STXBP3: variants seen among roughly 807,000 people sequenced by gnomAD.
The protein encoded by STXBP3 is syntaxin-binding protein 3.
A neutral mutation model predicts 85.7 loss-of-function variants in STXBP3; 41 were observed. The observed-to-expected ratio is 0.48, with a 90% CI of 0.37 to 0.62. STXBP3 has a LOEUF of 0.62. Ranked by LOEUF, STXBP3 falls within the 20% of genes least tolerant of loss-of-function variation. The pLI is 0.00. For synonymous variants in STXBP3, 229 were observed against 231.7 expected (o/e 0.99, Z 0.10); for missense variants, 563 against 703.1 (o/e 0.80, Z 2.25).
chr1:108,788,956 C>T (rs778944861), intron 11 of STXBP3, among the ~76,000 whole-genome samples: 4 of 151,904 alleles, frequency 2.6e-5, no homozygotes, highest in Middle Eastern at 3.2e-3. Context: ...CCCAGCTACT[C>T]GGGAAGCTGA....
At chr1:108,765,808 A>C (rs999768338) in intron 6 of STXBP3, among the ~76,000 whole-genome samples, 8 of 150,154 alleles carry the variant, frequency 5.3e-5, no homozygotes, top group African/African-American at 2.0e-4. Context: ...TGACCTCCCA[A>C]AGTGCTGGGA....
chr1:108,761,128 A>G (rs946704881), intron 6 of STXBP3, among the ~76,000 whole-genome samples: 1 of 152,136 alleles, frequency 6.6e-6, no homozygotes, highest in African/African-American at 2.4e-5. Flanking sequence ...CTGGTCTCGA[A>G]CTGCTGACCT....
At chr1:108,764,277 AT>A (rs551282943) in intron 6 of STXBP3, among the ~76,000 whole-genome samples, 6 of 151,836 alleles carry the variant, frequency 4.0e-5, no homozygotes, top group African/African-American at 1.5e-4. Flanking sequence ...GAGATACCAC[AT>A]TTTTTTTAAT....
chr1:108,754,092 G>C (rs1661968258), intron 3 of STXBP3, among the ~76,000 whole-genome samples: 1 of 144,236 alleles, frequency 6.9e-6, no homozygotes, highest in Non-Finnish European at 1.5e-5. Context: ...GAGTGCAGTA[G>C]TGCGATTTTG....
At chr1:108,757,408 A>T (rs979294682) in intron 4 of STXBP3, among the ~76,000 whole-genome samples, 4 of 152,018 alleles carry the variant, frequency 2.6e-5, no homozygotes, top group East Asian at 3.8e-4. Flanking sequence ...AGACATTTTT[A>T]AAAAAACAAA....
At position 108,804,045 on chromosome 1, in the gene STXBP3, T is replaced by C. The variant is rs571747736; in HGVS notation, c.1536-3356T>C. On this transcript the variant is annotated intron_variant, in intron 17 of 18. Coordinates refer to ENST00000370008, the MANE Select transcript of STXBP3 (RefSeq NM_007269.4). ...GTATATTCTCTGTGCTATGTGTATC[T>C]GAGGATTTATTTTTATTTCTTTCTT... Among the ~76,000 whole-genome samples the C allele has an allele frequency of 3.9e-5, 6 of 152,356 alleles. No homozygotes were observed. In the East Asian group the frequency reaches 1.2e-3, roughly 29 times the overall value.
chr1:108,775,920 A>AAC (rs59575550), intron 7 of STXBP3, among the ~76,000 whole-genome samples: 2,315 of 150,048 alleles, frequency 0.015, 20 homozygotes, highest in African/African-American at 0.028. Flanking sequence ...ATAAATCTCA[A>AAC]ACACACACAC....
chr1:108,750,266 C>T (rs993627051), intron 1 of STXBP3, among the ~76,000 whole-genome samples: 1 of 152,076 alleles, frequency 6.6e-6, no homozygotes, highest in African/African-American at 2.4e-5. Context: ...GGAAAAGCAG[C>T]ATAATATTTC....
chr1:108,746,895 C>T (rs1298411377), intron 1 of STXBP3, 109 bp downstream of exon 1: 19 of 1,139,780 alleles, frequency 1.7e-5, no homozygotes, highest in Non-Finnish European at 2.3e-5. Flanking sequence ...GCCGCGAGCA[C>T]TTGTTGCTTT....
In STXBP3 at chr1:108,771,488, C is replaced by A. The variant is rs1279071930; in HGVS notation, c.439-1177C>A. On this transcript the variant is annotated intron_variant, in intron 6 of 18. Transcript: ENST00000370008. ...ATATATGATATATATCTATATATAT[C>A]ATATATAAATATATATGATATATAA... 4.2e-3 allele frequency among the ~76,000 whole-genome samples: 63 copies of A among 14,838 alleles called. 3 individuals carry two copies. The highest frequency in any genetic ancestry group is 9.4e-3 in the African/African-American group (27 of 2,880). The allele number at this position is 14,838 out of a possible 152,430, so 9.7% of individuals were successfully genotyped here.
At chr1:108,755,181 C>T (rs1661991748) in intron 3 of STXBP3, among the ~76,000 whole-genome samples, 1 of 152,098 alleles carries the variant, frequency 6.6e-6, no homozygotes, top group Non-Finnish European at 1.5e-5. Context: ...TACAATGACT[C>T]ATGCCTGTAA....
intron 6 of STXBP3, among the ~76,000 whole-genome samples, chr1:108,770,041 G>A (rs1033337073): frequency 6.6e-6 from 1 of 152,146 alleles, no homozygotes; most frequent in Non-Finnish European, 1.5e-5. Context: ...TGTAATCCCA[G>A]GACTTTAGGA....
At chr1:108,793,157 A>ATTTTTTTTTCTTTTTTTTTT (rs751400870) in intron 11 of STXBP3, among the ~76,000 whole-genome samples, 3 of 67,510 alleles carry the variant, frequency 4.4e-5, no homozygotes, top group African/African-American at 6.0e-5. Context: ...TCTTATCTCC[A>ATTTTTTTTTCTTTTTTTTTT]TTTTTTTTTT....
chr1:108,771,137 A>G (rs929637340), intron 6 of STXBP3, among the ~76,000 whole-genome samples: 1 of 151,652 alleles, frequency 6.6e-6, no homozygotes, highest in Non-Finnish European at 1.5e-5. Context: ...CATCTGTTGC[A>G]CTGGTAGTAA....
In STXBP3 at chr1:108,807,829, G is replaced by A. The variant is rs904842212; in HGVS notation, c.1684+280G>A. The stretch of plus-strand genomic sequence containing the variant: ...TGACCTTAGGTGATCCGCCCGCCTC[G>A]GCCTCCCAAAGTGCTGGGATTACAG... On this transcript the variant is annotated intron_variant, in intron 18 of 18. Transcript: ENST00000370008. Among the ~76,000 whole-genome samples, 10 of 151,972 alleles carry A rather than the reference G, an allele frequency of 6.6e-5. No homozygotes were observed. In the East Asian group the frequency reaches 1.4e-3, roughly 21 times the overall value.
intron 6 of STXBP3, among the ~76,000 whole-genome samples, chr1:108,765,337 G>A (rs1324516601): frequency 6.6e-6 from 1 of 152,222 alleles, no homozygotes; most frequent in African/African-American, 2.4e-5. Flanking sequence ...GAGCCTCCAT[G>A]GGTAGGCCCA....
intron 11 of STXBP3, among the ~76,000 whole-genome samples, chr1:108,784,542 G>C (rs1662786346): frequency 6.6e-6 from 1 of 152,200 alleles, no homozygotes; most frequent in South Asian, 2.1e-4. Context: ...AGTTCAAGGT[G>C]AGATTTGGGT....
chr1:108,769,733 T>G (rs1662341031), intron 6 of STXBP3, among the ~76,000 whole-genome samples: 1 of 152,184 alleles, frequency 6.6e-6, no homozygotes, highest in Non-Finnish European at 1.5e-5. Context: ...GCACCCAGAT[T>G]ATCTTTGGTA....
At chr1:108,800,356 A>G (rs1396530197) in intron 17 of STXBP3, 51 bp downstream of exon 17, 2 of 1,379,804 alleles carry the variant, frequency 1.4e-6, no homozygotes, top group South Asian at 2.3e-5. Flanking sequence ...CGGACTAATA[A>G]TTTAAAATGG....
Sources: allele counts gnomAD v4.1 joint callset (sites outside exome capture counted in the v4.1 genomes callset), GRCh38; gene constraint gnomAD v4.1.1; transcripts MANE v1.5; gene names NCBI Gene and HGNC (gene_info 2026-07-23, HGNC 2026-07-21).